Variants in ITPA observed in about 807,000 individuals in gnomAD.
ITPA encodes inosine triphosphatase.
In ITPA, 29 loss-of-function variants were observed where a neutral mutation model predicts 29.6. The observed-to-expected ratio is 0.98, with a 90% CI of 0.73 to 1.34. The LOEUF (loss-of-function observed/expected upper bound fraction) is 1.34, where lower values mean the gene tolerates loss of function less well. ITPA is among the 40% of genes most tolerant of loss of function. The pLI is 0.00. For missense variants in ITPA, 241 were observed against 251.5 expected (o/e 0.96, Z 0.28); for synonymous variants, 103 against 99.3 (o/e 1.04, Z -0.22).
chr20:3,222,250 TTCAC>T (rs889530077), intron 7 of ITPA, among the ~76,000 whole-genome samples: 1 of 151,532 alleles, frequency 6.6e-6, no homozygotes, highest in Non-Finnish European at 1.5e-5. Context: ...GAGATGGAGT[TTCAC>T]TCTTGTTGCC....
chr20:3,208,653 G>A (rs986057448), upstream of ITPA, among the ~76,000 whole-genome samples: 5 of 152,246 alleles, frequency 3.3e-5, no homozygotes, highest in African/African-American at 1.2e-4. Context: ...TGGGATTACA[G>A]GCGTGAGCCA....
chr20:3,213,227 G>A lies in ITPA; in HGVS notation c.124+1G>A, dbSNP rs376142053. On this transcript the variant is annotated splice_donor_variant, in intron 2 of 7. Coordinates refer to ENST00000380113, the MANE Select transcript of ITPA (RefSeq NM_033453.4). LOFTEE classifies it high-confidence loss of function. ...ACTTTGGTGGCACAGAAAATTGACC[G>A]TATGTCTCTGTTTTGTTTTATTTTT... 7.4e-6 allele frequency: 12 copies of A among 1,614,040 alleles called. No homozygotes were observed. The highest frequency in any genetic ancestry group is 1.0e-5 in the Non-Finnish European group (12 of 1,180,032).
Position 3,209,904 on chromosome 20 carries a change from A to C in ITPA, c.66+287A>C, listed in dbSNP as rs2067133386. ...GACCCGGAGGAGTAGCGGGGCTCTT[A>C]ACAACCGCCCCGAAGGTCACCTATT... On this transcript the variant is annotated intron_variant, in intron 1 of 7. Coordinates refer to ENST00000380113, the MANE Select transcript of ITPA (RefSeq NM_033453.4). This position sits in a 1 kb window ranked among gnomAD's most constrained non-coding sequence, Gnocchi z 4.6. Among the ~76,000 whole-genome samples the C allele has an allele frequency of 1.3e-5, 2 of 151,920 alleles. No individual in the cohort carries two copies. The highest frequency in any genetic ancestry group is 1.3e-4 in the Admixed American group (2 of 15,258).
At chr20:3,214,140 C>CTA (rs1303829848) in intron 4 of ITPA, 82 bp downstream of exon 4, 8 of 1,165,530 alleles carry the variant, frequency 6.9e-6, no homozygotes, top group Non-Finnish European at 7.7e-6. Flanking sequence ...CCTGATACTG[C>CTA]AGGTCATTCC....
chr20:3,215,803 A>T (rs531081872), intron 5 of ITPA, among the ~76,000 whole-genome samples: 2 of 152,136 alleles, frequency 1.3e-5, no homozygotes, highest in East Asian at 3.9e-4. Context: ...CTCCTGCCTT[A>T]GCCTTCCAAG....
upstream of ITPA, chr20:3,204,675 T>A: frequency 6.5e-7 from 1 of 1,526,902 alleles, no homozygotes; most frequent in Middle Eastern, 1.7e-4. Context: ...GAGGCCGGGA[T>A]CTCATAGGCC....
intron 1 of ITPA, among the ~76,000 whole-genome samples, chr20:3,210,853 C>T (rs1401536118): frequency 6.6e-6 from 1 of 151,974 alleles, no homozygotes; most frequent in East Asian, 1.9e-4. Flanking sequence ...GAGTTCAAGA[C>T]CAGCCTGGCC....
At chr20:3,215,842 C>T (rs6051647) in intron 5 of ITPA, among the ~76,000 whole-genome samples, 7,815 of 151,784 alleles carry the variant, frequency 0.051, 672 homozygotes, top group African/African-American at 0.18. Context: ...CCCACCACCA[C>T]GCCCTGCTAA....
downstream of ITPA, among the ~76,000 whole-genome samples, chr20:3,224,367 G>A (rs1167935245): frequency 6.6e-6 from 1 of 152,150 alleles, no homozygotes; most frequent in Admixed American, 6.5e-5. Context: ...ACCTCTCCAG[G>A]TGGCTCCGTT....
chr20:3,207,995 C>CA (rs71195826), upstream of ITPA, among the ~76,000 whole-genome samples: 4,872 of 116,282 alleles, frequency 0.042, 144 homozygotes, highest in Non-Finnish European at 0.066. Context: ...GACTCCGTCT[C>CA]AAAAAAAAAA....
upstream of ITPA, chr20:3,204,755 G>C: frequency 1.2e-6 from 1 of 866,368 alleles, no homozygotes; most frequent in Non-Finnish European, 1.7e-6. Flanking sequence ...TCACAGAGAG[G>C]CTTTAATGTC....
At chr20:3,222,009 G>A in intron 7 of ITPA, 92 bp downstream of exon 7, 3 of 1,233,928 alleles carry the variant, frequency 2.4e-6, no homozygotes, top group Admixed American at 3.5e-5. Context: ...CAGGCATGCG[G>A]ATATGGGCAG....
At chr20:3,221,296 G>A (rs2067456637) in intron 6 of ITPA, among the ~76,000 whole-genome samples, 2 of 151,082 alleles carry the variant, frequency 1.3e-5, no homozygotes, top group Admixed American at 1.3e-4. Flanking sequence ...TTTTCACTGT[G>A]GAATTTCCCT....
rs2122320741 is a variant in ITPA, at chr20:3,213,329, C to T, written c.135C>T (p.Tyr45=). The T allele has an allele frequency of 6.2e-7, 1 of 1,614,036 alleles. No individual in the cohort carries two copies. The highest frequency in any genetic ancestry group is 8.5e-7 in the Non-Finnish European group (1 of 1,179,952). ...LVAQKIDLPE[Y]QGEPDEISIQ... ...TGTTTCCCTGATAAGTGCCGGAGTACCAGGGGGAGCCGGATGAGATTTCCA... is the reference window on the plus strand; with the variant it reads ...TGTTTCCCTGATAAGTGCCGGAGTATCAGGGGGAGCCGGATGAGATTTCCA... Residue 45 remains tyrosine, a synonymous_variant, in exon 3 of 8, where the codon TAC becomes TAT. Transcript: ENST00000380113.
chr20:3,224,046 C>A (rs540012457), downstream of ITPA, among the ~76,000 whole-genome samples: 1 of 152,316 alleles, frequency 6.6e-6, no homozygotes, highest in East Asian at 1.9e-4. Context: ...GGGCTGACCT[C>A]CACCCTGGAT....
upstream of ITPA, chr20:3,204,638 T>A (rs374518596): frequency 2.9e-5 from 46 of 1,572,658 alleles, no homozygotes; most frequent in African/African-American, 5.4e-5. Context: ...GACGAGGGCC[T>A]CAGTGCAGAA....
intron 1 of ITPA, among the ~76,000 whole-genome samples, chr20:3,210,953 A>C (rs1382886204): frequency 1.3e-5 from 2 of 151,096 alleles, no homozygotes; most frequent in Admixed American, 1.3e-4. Flanking sequence ...CGGGAGGCTG[A>C]GACAGGAGAA....
downstream of ITPA, among the ~76,000 whole-genome samples, chr20:3,225,343 C>G (rs2067543229): frequency 6.6e-6 from 1 of 152,056 alleles, no homozygotes; most frequent in South Asian, 2.1e-4. Flanking sequence ...ATGGAAAGAC[C>G]AAGACAGGAC....
At chr20:3,204,088 A>T (rs1228282305), upstream of ITPA, among the ~76,000 whole-genome samples, 1 of 152,060 alleles carries the variant, frequency 6.6e-6, no homozygotes, top group Non-Finnish European at 1.5e-5. Flanking sequence ...AATTTCCTGG[A>T]GCCGCCTCGC....
Sources: allele counts gnomAD v4.1 joint callset (sites outside exome capture counted in the v4.1 genomes callset), GRCh38; gene constraint gnomAD v4.1.1; non-coding constraint Gnocchi (gnomAD v3.1); transcripts MANE v1.5; gene names NCBI Gene and HGNC (gene_info 2026-07-23, HGNC 2026-07-21).